SFMBT2: variants seen among roughly 807,000 people sequenced by gnomAD.
SFMBT2 encodes Scm like with four mbt domains 2.
SFMBT2 carries 38 observed loss-of-function variants against 110.1 expected under a neutral mutation model. The observed-to-expected ratio is 0.35, with a 90% CI of 0.27 to 0.45. The LOEUF (loss-of-function observed/expected upper bound fraction) is 0.45. SFMBT2 is among the 20% of genes least tolerant of loss of function. The pLI is 1.00. For synonymous variants in SFMBT2, 425 were observed against 425.4 expected, an observed-to-expected ratio of 1.00 and a Z score of 0.01; for missense variants, 1,011 against 1,094.9, an observed-to-expected ratio of 0.92 and a Z score of 1.08.
intron 12 of SFMBT2, chr10:7,203,887 T>C (rs1314831886): frequency 6.4e-6 from 1 of 155,334 alleles, no homozygotes; most frequent in African/African-American, 2.4e-5. Flanking sequence ...GGTTAATTTT[T>C]TGTATTTTTA....
rs909707744 is a variant in SFMBT2, at chr10:7,263,046, G to T, written c.870+13846C>A. Among the ~76,000 whole-genome samples, 7 of 152,108 alleles carry T rather than the reference G, an allele frequency of 4.6e-5. No individual in the cohort carries two copies. The East Asian group carries it at 1.3e-3, about 29-fold the overall frequency. On this transcript the variant is annotated intron_variant, in intron 7 of 20. Coordinates refer to ENST00000397167, the MANE Select transcript of SFMBT2 (RefSeq NM_001387889.1). ...TAAAGAAACGGGAATGGCAACAGGA[G>T]GTAGGGGAGCACGTACTCTGCAGAA...
Position 7,171,757 on chromosome 10 carries a change from G to T in SFMBT2, c.2415+138C>A. ...AGGTGAAGTGCCAGCCTTTGTTCCT[G>T]ACTTGGGAACTAGCTAGAGCAGCTG... On this transcript the variant is annotated intron_variant, in intron 19 of 20. Transcript: ENST00000397167. This position sits in a 1 kb window ranked among gnomAD's most constrained non-coding sequence, Gnocchi z 4.9. 9.6e-7 allele frequency: 1 copy of T among 1,043,238 alleles called. No individual in the cohort carries two copies. Among genetic ancestry groups the T allele is most frequent in the South Asian group, 3.2e-5 (1 of 31,340 alleles). 64.6% of individuals were successfully genotyped at this position (1,043,238 alleles called of 1,614,324 possible). A position where few individuals can be genotyped will look rare whatever the true frequency, so the allele number is the denominator to read the frequency against.
chr10:7,230,415 C>T (rs182487618), intron 9 of SFMBT2, among the ~76,000 whole-genome samples: 2 of 152,126 alleles, frequency 1.3e-5, no homozygotes, highest in Non-Finnish European at 2.9e-5. Flanking sequence ...CCACTTTGAG[C>T]GTAGTTTCTC....
At chr10:7,254,136 T>C (rs1246138601) in intron 7 of SFMBT2, among the ~76,000 whole-genome samples, 6 of 152,218 alleles carry the variant, frequency 3.9e-5, no homozygotes, top group African/African-American at 1.2e-4. Context: ...AACTCCCTCA[T>C]TTATGCTACG....
At chr10:7,411,404 G>T (rs1846377234), upstream of SFMBT2, 1 of 152,206 alleles carries the variant, frequency 6.6e-6, no homozygotes, top group African/African-American at 2.4e-5. Context: ...AAGGACAACT[G>T]GGCAAACTCC....
chr10:7,317,850 C>T (rs1055951450), intron 4 of SFMBT2, among the ~76,000 whole-genome samples: 1 of 152,000 alleles, frequency 6.6e-6, no homozygotes, highest in Admixed American at 6.6e-5. Flanking sequence ...CCCTGGTGGG[C>T]GTCATTTGGA....
intron 7 of SFMBT2, among the ~76,000 whole-genome samples, chr10:7,256,333 TA>T (rs1841006494): frequency 6.6e-6 from 1 of 152,220 alleles, no homozygotes; most frequent in South Asian, 2.1e-4. Context: ...ACAACCTACT[TA>T]AAGCCCCCTA....
chr10:7,329,107 G>C (rs1225720897), intron 4 of SFMBT2, among the ~76,000 whole-genome samples: 4 of 152,160 alleles, frequency 2.6e-5, no homozygotes, highest in African/African-American at 7.2e-5. Flanking sequence ...AGATATACTG[G>C]GGTTAATAAA....
intron 4 of SFMBT2, among the ~76,000 whole-genome samples, chr10:7,332,532 A>T (rs1390441044): frequency 1.3e-5 from 2 of 152,252 alleles, no homozygotes; most frequent in Non-Finnish European, 2.9e-5. Context: ...TTGCGCTTGT[A>T]AAATAACAAA....
chr10:7,327,275 C>T (rs1843416614), intron 4 of SFMBT2, among the ~76,000 whole-genome samples: 1 of 151,974 alleles, frequency 6.6e-6, no homozygotes, highest in Non-Finnish European at 1.5e-5. Flanking sequence ...ATGAATTTTA[C>T]ACATGTATAG....
intron 1 of SFMBT2, among the ~76,000 whole-genome samples, chr10:7,388,085 G>A (rs556048293): frequency 3.3e-5 from 5 of 152,200 alleles, no homozygotes; most frequent in Admixed American, 1.3e-4. Flanking sequence ...GCGGCATCAC[G>A]CCCATTCATC....
intron 4 of SFMBT2, among the ~76,000 whole-genome samples, chr10:7,334,071 C>G (rs72775545): frequency 0.072 from 10,997 of 152,256 alleles, 525 homozygotes; most frequent in Non-Finnish European, 0.11. Context: ...TACGCGACGG[C>G]TCTTCCCCTG....
chr10:7,408,049 C>G lies in SFMBT2; in HGVS notation c.-52+2812G>C, dbSNP rs886875502. ...TGTTCTTTGTAATCAACTGTACATC[C>G]GCTTCCACGGCACGGCCTCGTGCAA... On this transcript the variant is annotated intron_variant, in intron 1 of 20. Coordinates refer to ENST00000397167, the MANE Select transcript of SFMBT2 (RefSeq NM_001387889.1). This position sits in a 1 kb window ranked among gnomAD's most constrained non-coding sequence, Gnocchi z 5.7. Among the ~76,000 whole-genome samples, 11 of 152,268 alleles carry G rather than the reference C, an allele frequency of 7.2e-5. No homozygotes were observed. The highest frequency in any genetic ancestry group is 2.7e-4 in the African/African-American group (11 of 41,474).
intron 2 of SFMBT2, among the ~76,000 whole-genome samples, chr10:7,372,838 C>T (rs1377299495): frequency 3.3e-5 from 5 of 152,260 alleles, no homozygotes. Flanking sequence ...TCCAGAGCTT[C>T]TTTCCATCCT....
intron 4 of SFMBT2, among the ~76,000 whole-genome samples, chr10:7,362,073 A>G (rs1170559421): frequency 6.6e-6 from 1 of 152,146 alleles, no homozygotes; most frequent in Non-Finnish European, 1.5e-5. Context: ...AGCCTTATAG[A>G]TTTACTAAAC....
At position 7,348,282 on chromosome 10, in the gene SFMBT2, C is replaced by T. The variant is rs969756621; in HGVS notation, c.436+19367G>A. ...GGTCTCGAAGAAGTTTTGAGACATC[C>T]TTTTCTAAGAAATATGTTGAACAGA... On this transcript the variant is annotated intron_variant, in intron 4 of 20. Coordinates refer to ENST00000397167, the MANE Select transcript of SFMBT2 (RefSeq NM_001387889.1). 7.9e-5 allele frequency: 120 copies of T among 1,521,800 alleles called. 1 individual carries two copies. Among genetic ancestry groups the T allele is most frequent in the Non-Finnish European group, 1.0e-4 (115 of 1,133,016 alleles). The allele number at this position is 1,521,800 out of a possible 1,614,324, so 94.3% of individuals were successfully genotyped here.
chr10:7,164,371 G>A, intron 20 of SFMBT2: 2 of 963,082 alleles, frequency 2.1e-6, no homozygotes, highest in Non-Finnish European at 2.5e-6. Flanking sequence ...GGGCAACACA[G>A]CAGGAGACTC....
chr10:7,319,855 AGAGACACAGAGG>A (rs1226551819), intron 4 of SFMBT2, among the ~76,000 whole-genome samples: 1 of 151,466 alleles, frequency 6.6e-6, no homozygotes, highest in East Asian at 1.9e-4. Flanking sequence ...AGAGACAGAG[AGAGACACAGAGG>A]GAGACAGAGA....
chr10:7,240,054 C>T (rs1322085202), intron 9 of SFMBT2, among the ~76,000 whole-genome samples: 3 of 151,812 alleles, frequency 2.0e-5, no homozygotes, highest in African/African-American at 7.3e-5. Context: ...TATGTGTTAC[C>T]TTTTAATAGG....
Sources: gnomAD v4.1 joint callset for allele counts (sites outside exome capture counted in the v4.1 genomes callset) on GRCh38, gnomAD v4.1.1 for gene constraint, Gnocchi (gnomAD v3.1) non-coding constraint, MANE v1.5 for transcripts, NCBI Gene and HGNC (gene_info 2026-07-23, HGNC 2026-07-21) for gene names.